Variants in PPARG observed in about 807,000 individuals in gnomAD.
PPARG encodes the protein peroxisome proliferator activated receptor gamma.
Under a neutral mutation model 39.2 loss-of-function variants are expected in PPARG, and 17 were observed. That is an observed-to-expected ratio of 0.43 (90% CI 0.30 to 0.65). PPARG has a LOEUF of 0.65. Ranked by LOEUF, PPARG falls within the 30% of genes least tolerant of loss-of-function variation. The probability of loss-of-function intolerance (pLI) is 0.13; values close to 1 mark genes in which losing one functional copy is unlikely to be tolerated. For synonymous variants in PPARG, 223 were observed against 215.7 expected (o/e 1.03, Z -0.30); for missense variants, 406 against 585.9 (o/e 0.69, Z 3.17).
At chr3:12,362,504 G>A (rs548517335) in intron 2 of PPARG, among the ~76,000 whole-genome samples, 6 of 151,644 alleles carry the variant, frequency 4.0e-5, no homozygotes, top group Admixed American at 2.0e-4. Flanking sequence ...GGGCAACAGA[G>A]TGAGACTTCG....
chr3:12,337,940 A>C (rs1160613903), intron 2 of PPARG, among the ~76,000 whole-genome samples: 1 of 152,192 alleles, frequency 6.6e-6, no homozygotes, highest in Non-Finnish European at 1.5e-5. Context: ...ATTTTAGATT[A>C]GGGACTTGAG....
chr3:12,372,305 A>G (rs1179215677), intron 2 of PPARG, among the ~76,000 whole-genome samples: 1 of 152,218 alleles, frequency 6.6e-6, no homozygotes. Flanking sequence ...TTTTCTAACC[A>G]GTATCCAGTG....
In PPARG at chr3:12,381,407, C is replaced by T. The variant is rs771328613; in HGVS notation, c.306C>T (p.Asn102=). The part of the protein sequence containing the change: ...LYNKPHEEPS[N]SLMAIECRVC... The stretch of plus-strand genomic sequence containing the variant: ...ATAAGCCTCATGAAGAGCCTTCCAA[C>T]TCCCTCATGGCAATTGAATGTCGTG... The change falls in exon 4 of 8, where the codon AAC becomes AAT. Residue 102 remains asparagine, a synonymous_variant. Transcript: ENST00000651735. The T allele has an allele frequency of 6.2e-7, 1 of 1,613,274 alleles. No individual in the cohort carries two copies. Among genetic ancestry groups the T allele is most frequent in the Admixed American group, 1.7e-5 (1 of 59,914 alleles).
At chr3:12,433,821 G>A in intron 7 of PPARG, 77 bp from the exon 8 acceptor site, 2 of 1,603,334 alleles carry the variant, frequency 1.2e-6, no homozygotes, top group Non-Finnish European at 1.7e-6. Flanking sequence ...TGGTAGAGCT[G>A]CCTAGGCCTC....
intron 2 of PPARG, among the ~76,000 whole-genome samples, chr3:12,329,975 C>G (rs1575001506): frequency 6.6e-6 from 1 of 152,274 alleles, no homozygotes; most frequent in East Asian, 1.9e-4. Context: ...AATGCCATTC[C>G]TTTTTATGGC....
intron 7 of PPARG, among the ~76,000 whole-genome samples, chr3:12,417,924 T>C (rs2051134066): frequency 7.3e-6 from 1 of 137,846 alleles, no homozygotes; most frequent in South Asian, 2.4e-4. Flanking sequence ...TTTTTTTTTT[T>C]TGTGAGACAG....
At chr3:12,387,698 C>T (rs1016556566) in intron 4 of PPARG, among the ~76,000 whole-genome samples, 4 of 152,216 alleles carry the variant, frequency 2.6e-5, no homozygotes, top group Admixed American at 1.3e-4. Context: ...GTTTCTTTTG[C>T]TGTGCAGAAA....
chr3:12,308,870 G>C (rs2047149874), intron 1 of PPARG, among the ~76,000 whole-genome samples: 1 of 152,174 alleles, frequency 6.6e-6, no homozygotes, highest in Admixed American at 6.5e-5. Context: ...AGTTTCAGTA[G>C]AAAGGTAGGT....
At chr3:12,371,348 A>G (rs1443634563) in intron 2 of PPARG, among the ~76,000 whole-genome samples, 2 of 152,192 alleles carry the variant, frequency 1.3e-5, no homozygotes, top group Non-Finnish European at 2.9e-5. Flanking sequence ...GCACAAAGCA[A>G]GCAAACAACA....
intron 2 of PPARG, among the ~76,000 whole-genome samples, chr3:12,336,687 A>G (rs2048022451): frequency 6.6e-6 from 1 of 152,174 alleles, no homozygotes. Flanking sequence ...TATTTTGTTT[A>G]AAGTACTGAA....
intron 4 of PPARG, among the ~76,000 whole-genome samples, chr3:12,391,126 G>A (rs999043824): frequency 3.9e-5 from 6 of 152,174 alleles, no homozygotes; most frequent in African/African-American, 9.7e-5. Flanking sequence ...AGGAAGTTAC[G>A]TGACATCTGT....
At chr3:12,344,741 A>G (rs1464261720) in intron 2 of PPARG, 1 of 152,200 alleles carries the variant, frequency 6.6e-6, no homozygotes, top group Non-Finnish European at 1.5e-5. Flanking sequence ...TTAAAGTGTC[A>G]TGTAAGATTT....
chr3:12,381,279 G>T (rs775193198), intron 3 of PPARG, 43 bp from the exon 4 acceptor site: 10 of 1,599,228 alleles, frequency 6.3e-6, no homozygotes, highest in Non-Finnish European at 8.5e-6. Flanking sequence ...TTTTAGGACT[G>T]TTTTCATGGG....
intron 1 of PPARG, chr3:12,298,082 G>A (rs1574944813): frequency 6.6e-6 from 1 of 151,206 alleles, no homozygotes. Flanking sequence ...GGCGGATCAC[G>A]AGGTCAGGAG....
At chr3:12,287,889 C>T (rs1417944711), upstream of PPARG, 1 of 142,910 alleles carries the variant, frequency 7.0e-6, no homozygotes, top group African/African-American at 2.5e-5. Context: ...CGGCTCGGCC[C>T]GACCCGGCTC....
chr3:12,357,250 C>G (rs779589235), intron 2 of PPARG, among the ~76,000 whole-genome samples: 1 of 152,126 alleles, frequency 6.6e-6, no homozygotes, highest in African/African-American at 2.4e-5. Flanking sequence ...GCCCCTACCT[C>G]CTGCCCTACC....
At chr3:12,391,952 GC>G (rs1318902971) in intron 4 of PPARG, among the ~76,000 whole-genome samples, 1 of 152,046 alleles carries the variant, frequency 6.6e-6, no homozygotes, top group Non-Finnish European at 1.5e-5. Context: ...TATTCAGTTG[GC>G]CTCAAATTGA....
intron 7 of PPARG, among the ~76,000 whole-genome samples, chr3:12,428,568 G>A (rs1173276704): frequency 1.3e-5 from 2 of 152,248 alleles, no homozygotes; most frequent in Admixed American, 6.5e-5. Context: ...AGAGAGAAGA[G>A]AAAGGCCCTG....
intron 1 of PPARG, among the ~76,000 whole-genome samples, chr3:12,310,795 A>G (rs1388418910): frequency 2.6e-5 from 2 of 76,468 alleles, no homozygotes; most frequent in African/African-American, 9.9e-5. Context: ...TAAATGTAAA[A>G]AAAAAAAAAA....
Sources: gnomAD v4.1 joint callset for allele counts (sites outside exome capture counted in the v4.1 genomes callset) on GRCh38, gnomAD v4.1.1 for gene constraint, MANE v1.5 for transcripts, NCBI Gene and HGNC (gene_info 2026-07-23, HGNC 2026-07-21) for gene names.